Variants in THSD7A observed in about 807,000 individuals in gnomAD.
THSD7A encodes the protein thrombospondin type 1 domain containing 7A.
A neutral mutation model predicts 231.3 loss-of-function variants in THSD7A; 96 were observed. The observed-to-expected ratio is 0.41, with a 90% CI of 0.35 to 0.49. The LOEUF is 0.49. Among genes scored for constraint, THSD7A ranks in the 20% least tolerant of loss-of-function variants. The pLI, the probability that THSD7A is intolerant of heterozygous loss-of-function variation, is 0.05. For synonymous variants in THSD7A, 940 were observed against 743.3 expected (o/e 1.26, Z -4.30); for missense variants, 2,290 against 2,070.2 (o/e 1.11, Z -2.06).
At chr7:11,385,296 C>G (rs1203061282) in intron 23 of THSD7A, 1 of 152,058 alleles carries the variant, frequency 6.6e-6, no homozygotes, top group East Asian at 1.9e-4. Flanking sequence ...TCTGATGACA[C>G]TTGGCTGGAA....
chr7:11,437,516 C>T (rs1334688736), intron 13 of THSD7A, among the ~76,000 whole-genome samples: 1 of 152,046 alleles, frequency 6.6e-6, no homozygotes, highest in Non-Finnish European at 1.5e-5. Context: ...AAAAAAGATT[C>T]CAGTTGTGAA....
chr7:11,481,132 A>G (rs558866018), intron 7 of THSD7A, among the ~76,000 whole-genome samples: 13 of 152,322 alleles, frequency 8.5e-5, no homozygotes, highest in Admixed American at 3.3e-4. Context: ...TTGAGAGACA[A>G]TTACCAAGAG....
intron 1 of THSD7A, among the ~76,000 whole-genome samples, chr7:11,795,438 C>G (rs543232011): frequency 6.6e-6 from 1 of 152,028 alleles, no homozygotes; most frequent in East Asian, 1.9e-4. Flanking sequence ...GGAAATCACA[C>G]AATTAAATTG....
chr7:11,694,962 C>T (rs1780343797), intron 1 of THSD7A, among the ~76,000 whole-genome samples: 1 of 151,458 alleles, frequency 6.6e-6, no homozygotes, highest in Non-Finnish European at 1.5e-5. Flanking sequence ...TGAATATTAA[C>T]TTGCTACATG....
At chr7:11,559,582 G>A (rs796936735) in intron 4 of THSD7A, among the ~76,000 whole-genome samples, 12 of 151,610 alleles carry the variant, frequency 7.9e-5, no homozygotes, top group African/African-American at 2.9e-4. Context: ...TGAAACATGG[G>A]AAGTAGTGTA....
At chr7:11,506,088 A>G (rs958328187) in intron 6 of THSD7A, among the ~76,000 whole-genome samples, 1 of 152,168 alleles carries the variant, frequency 6.6e-6, no homozygotes, top group Admixed American at 6.5e-5. Context: ...GTACATGCAG[A>G]TAATTTAACT....
chr7:11,492,332 T>C (rs1049511019), intron 6 of THSD7A, among the ~76,000 whole-genome samples: 2 of 151,980 alleles, frequency 1.3e-5, no homozygotes, highest in Non-Finnish European at 2.9e-5. Context: ...TGGGATTTCT[T>C]TCAGATTCAT....
chr7:11,782,406 C>A (rs981423561), intron 1 of THSD7A, among the ~76,000 whole-genome samples: 8 of 152,168 alleles, frequency 5.3e-5, no homozygotes, highest in Admixed American at 1.3e-4. Flanking sequence ...TTAACACACA[C>A]ATACACATAC....
At chr7:11,621,013 A>C (rs773386805) in intron 2 of THSD7A, among the ~76,000 whole-genome samples, 13 of 152,172 alleles carry the variant, frequency 8.5e-5, no homozygotes, top group African/African-American at 1.2e-4. Context: ...GTAAAATGAA[A>C]CTTTGCATAG....
At chr7:11,665,229 GTTA>G (rs1235991243) in intron 1 of THSD7A, among the ~76,000 whole-genome samples, 1 of 152,090 alleles carries the variant, frequency 6.6e-6, no homozygotes, top group Non-Finnish European at 1.5e-5. Context: ...CTCTGATCTA[GTTA>G]TTATGCTATG....
At chr7:11,623,503 G>C (rs1218326287) in intron 2 of THSD7A, among the ~76,000 whole-genome samples, 2 of 151,962 alleles carry the variant, frequency 1.3e-5, no homozygotes, top group Non-Finnish European at 2.9e-5. Flanking sequence ...CACTCTCAGG[G>C]CAGACTTCCT....
chr7:11,622,705 T>C (rs1489113894), intron 2 of THSD7A, among the ~76,000 whole-genome samples: 1 of 152,184 alleles, frequency 6.6e-6, no homozygotes, highest in Non-Finnish European at 1.5e-5. Context: ...TATTCTCTCT[T>C]ATCAACCTGG....
intron 1 of THSD7A, chr7:11,820,799 G>A: frequency 2.7e-6 from 3 of 1,118,232 alleles, no homozygotes; most frequent in South Asian, 2.5e-5. Context: ...GGATCTGGAC[G>A]TGCCTCTCGC....
At position 11,636,377 on chromosome 7, in the gene THSD7A, G is replaced by T; in HGVS notation, c.775C>A (p.Pro259Thr). The T allele has an allele frequency of 6.2e-7, 1 of 1,613,710 alleles. No individual in the cohort carries two copies. Reference protein sequence around the residue: ...EELRYSLHVGPWSTCSMPHSR... With the variant: ...EELRYSLHVGTWSTCSMPHSR... The stretch of plus-strand genomic sequence containing the variant: ...TGGGGCATTGAGCAGGTGCTCCAGG[G>T]CCCCACATGCAGGCTGTACCTGAGC... The change falls in exon 2 of 28, where the codon CCC becomes ACC. Residue 259 changes from proline to threonine, a missense_variant. Transcript: ENST00000423059. This position sits in a 1 kb window ranked among gnomAD's most constrained non-coding sequence, Gnocchi z 10.0.
intron 2 of THSD7A, among the ~76,000 whole-genome samples, chr7:11,618,888 T>A (rs1781211758): frequency 6.6e-6 from 1 of 152,022 alleles, no homozygotes; most frequent in Non-Finnish European, 1.5e-5. Context: ...ATGTAATGCA[T>A]AATCACCTAA....
intron 4 of THSD7A, among the ~76,000 whole-genome samples, chr7:11,547,952 T>C (rs961999046): frequency 7.9e-5 from 12 of 151,876 alleles, no homozygotes; most frequent in Non-Finnish European, 7.4e-5. Flanking sequence ...TTAGAGGAAC[T>C]AGAAAAACAA....
intron 1 of THSD7A, among the ~76,000 whole-genome samples, chr7:11,660,261 C>T (rs750385739): frequency 1.1e-4 from 17 of 151,518 alleles, no homozygotes; most frequent in Admixed American, 5.3e-4. Flanking sequence ...GGTTACTGCC[C>T]TTTTGCAGCA....
At chr7:11,607,143 G>T (rs1288084287) in intron 2 of THSD7A, among the ~76,000 whole-genome samples, 1 of 152,026 alleles carries the variant, frequency 6.6e-6, no homozygotes, top group Admixed American at 6.6e-5. Flanking sequence ...CATGTAAAAA[G>T]ATTATATTTA....
intron 1 of THSD7A, among the ~76,000 whole-genome samples, chr7:11,671,960 TA>T (rs774388737): frequency 1.5e-4 from 23 of 152,194 alleles, no homozygotes; most frequent in Admixed American, 7.9e-4. Context: ...TTTGTTCTCT[TA>T]GCTTCATTCT....
Sources: gnomAD v4.1 joint callset for allele counts (sites outside exome capture counted in the v4.1 genomes callset) on GRCh38, gnomAD v4.1.1 for gene constraint, Gnocchi (gnomAD v3.1) non-coding constraint, MANE v1.5 for transcripts, NCBI Gene and HGNC (gene_info 2026-07-23, HGNC 2026-07-21) for gene names.